MLIP: variants seen among roughly 807,000 people sequenced by gnomAD.
The protein encoded by MLIP is muscular LMNA interacting protein, also known as muscular LMNA-interacting protein.
Under a neutral mutation model 84.8 loss-of-function variants are expected in MLIP, and 79 were observed. The ratio of observed to expected loss-of-function variants is 0.93; its 90% CI spans 0.78 to 1.12. The LOEUF is 1.12. Among genes scored for constraint, MLIP ranks in the 50% most tolerant of loss-of-function variants. The pLI is 0.00. For missense variants in MLIP, 1,257 were observed against 1,160.6 expected, an observed-to-expected ratio of 1.08 and a Z score of -1.21; for synonymous variants, 504 against 463.0, an observed-to-expected ratio of 1.09 and a Z score of -1.14.
At chr6:54,158,772 A>G (rs1028713097) in intron 5 of MLIP, among the ~76,000 whole-genome samples, 11 of 152,104 alleles carry the variant, frequency 7.2e-5, no homozygotes, top group African/African-American at 2.7e-4. Flanking sequence ...CAGAACGTTT[A>G]TCATGGTGCT....
At chr6:54,042,844 A>G (rs1026310828) in intron 1 of MLIP, among the ~76,000 whole-genome samples, 2 of 152,186 alleles carry the variant, frequency 1.3e-5, no homozygotes, top group Non-Finnish European at 2.9e-5. Flanking sequence ...AAATGTAGGA[A>G]TCTATTCATT....
chr6:54,142,033 C>T lies in MLIP; in HGVS notation c.2217+3747C>T, dbSNP rs144742392. Among the ~76,000 whole-genome samples, 335 of 152,326 alleles carry T rather than the reference C, an allele frequency of 2.2e-3. 1 individual carries two copies. The highest frequency in any genetic ancestry group is 7.7e-3 in the African/African-American group (320 of 41,574). ...ATTCCCAAATACATCACACTGAAAACTTAGTGGCAGCAGTCTATCTGTGAC... is the reference window on the plus strand; with the variant it reads ...ATTCCCAAATACATCACACTGAAAATTTAGTGGCAGCAGTCTATCTGTGAC... On this transcript the variant is annotated intron_variant, in intron 4 of 13. Transcript: ENST00000502396.
At chr6:54,059,574 C>T (rs1765848666) in intron 1 of MLIP, among the ~76,000 whole-genome samples, 1 of 152,046 alleles carries the variant, frequency 6.6e-6, no homozygotes, top group South Asian at 2.1e-4. Context: ...ATAATCATCT[C>T]CAGATTTGTC....
chr6:54,187,189 C>T (rs541720994), intron 9 of MLIP, among the ~76,000 whole-genome samples: 4 of 152,258 alleles, frequency 2.6e-5, no homozygotes, highest in East Asian at 1.9e-4. Flanking sequence ...AAAATGGTAA[C>T]TGGTCCAGAA....
intron 4 of MLIP, among the ~76,000 whole-genome samples, chr6:54,139,168 T>A (rs770245283): frequency 6.6e-6 from 1 of 151,960 alleles, no homozygotes; most frequent in Non-Finnish European, 1.5e-5. Flanking sequence ...AGTAAGAGAT[T>A]TTTTTTGTCT....
intron 1 of MLIP, among the ~76,000 whole-genome samples, chr6:54,034,305 G>A (rs1415469255): frequency 2.0e-5 from 3 of 152,060 alleles, no homozygotes; most frequent in Non-Finnish European, 4.4e-5. Context: ...CATCAACAAT[G>A]TCATTAGCAA....
chr6:54,034,139 G>A (rs564952554), intron 1 of MLIP, among the ~76,000 whole-genome samples: 5 of 152,054 alleles, frequency 3.3e-5, no homozygotes, highest in Admixed American at 6.6e-5. Context: ...TTATTGTCTT[G>A]TCTTGATTGC....
chr6:54,159,880 G>A (rs1774431876), intron 5 of MLIP, among the ~76,000 whole-genome samples: 1 of 151,984 alleles, frequency 6.6e-6, no homozygotes, highest in African/African-American at 2.4e-5. Flanking sequence ...GACTGCATAA[G>A]CAAAAAGAAC....
At chr6:54,164,432 G>A (rs1218891734) in intron 8 of MLIP, among the ~76,000 whole-genome samples, 1 of 151,742 alleles carries the variant, frequency 6.6e-6, no homozygotes, top group African/African-American at 2.4e-5. Context: ...TACATTCTTT[G>A]TTGAAGCTAA....
chr6:54,050,165 G>C (rs1765294107), intron 1 of MLIP, among the ~76,000 whole-genome samples: 1 of 151,954 alleles, frequency 6.6e-6, no homozygotes, highest in South Asian at 2.1e-4. Flanking sequence ...TCATGTAAAG[G>C]ATTAAGCCTT....
chr6:54,221,874 A>G, intron 11 of MLIP, among the ~76,000 whole-genome samples: 1 of 152,052 alleles, frequency 6.6e-6, no homozygotes, highest in Non-Finnish European at 1.5e-5. Flanking sequence ...AAAACCTATT[A>G]ATTGCCAAGA....
chr6:54,262,227 C>T (rs1026992653), intron 13 of MLIP, among the ~76,000 whole-genome samples: 6 of 151,936 alleles, frequency 3.9e-5, no homozygotes, highest in East Asian at 3.9e-4. Context: ...CCAGAAGTTC[C>T]CTTCACTAGG....
chr6:54,060,797 A>G (rs990560333), intron 1 of MLIP, among the ~76,000 whole-genome samples: 3 of 152,208 alleles, frequency 2.0e-5, no homozygotes, highest in African/African-American at 7.2e-5. Flanking sequence ...TCATCACAGT[A>G]TGAAGATGGG....
intron 12 of MLIP, among the ~76,000 whole-genome samples, chr6:54,247,795 C>T (rs866174063): frequency 6.6e-6 from 1 of 152,044 alleles, no homozygotes; most frequent in Non-Finnish European, 1.5e-5. Context: ...ACTCTTGGCC[C>T]CCACATCCTT....
At chr6:54,039,839 C>T (rs551416423) in intron 1 of MLIP, among the ~76,000 whole-genome samples, 6 of 151,922 alleles carry the variant, frequency 3.9e-5, no homozygotes, top group East Asian at 3.9e-4. Context: ...TGTTCAGCCA[C>T]GCTAAAATGT....
At chr6:54,076,995 G>A (rs888881580) in intron 1 of MLIP, among the ~76,000 whole-genome samples, 3 of 152,172 alleles carry the variant, frequency 2.0e-5, no homozygotes, top group African/African-American at 7.2e-5. Flanking sequence ...CAAAGGACTA[G>A]GGTGAATGAT....
chr6:54,164,304 C>T (rs1582348927), intron 8 of MLIP, among the ~76,000 whole-genome samples: 2 of 151,968 alleles, frequency 1.3e-5, no homozygotes, highest in South Asian at 2.1e-4. Flanking sequence ...TATTTCATGT[C>T]TCTTACTCTT....
chr6:54,168,972 A>G (rs1252903458), intron 8 of MLIP, among the ~76,000 whole-genome samples: 1 of 151,508 alleles, frequency 6.6e-6, no homozygotes, highest in Non-Finnish European at 1.5e-5. Context: ...AGGTAAAGCC[A>G]GAATAAAGCT....
chr6:54,250,443 A>G (rs12212572), intron 12 of MLIP, among the ~76,000 whole-genome samples: 27,170 of 152,036 alleles, frequency 0.18, 3,344 homozygotes, highest in African/African-American at 0.35. Flanking sequence ...ACAATAGCAA[A>G]GACATGGAAT....
Sources: allele counts gnomAD v4.1 joint callset (sites outside exome capture counted in the v4.1 genomes callset), GRCh38; gene constraint gnomAD v4.1.1; transcripts MANE v1.5; gene names NCBI Gene and HGNC (gene_info 2026-07-23, HGNC 2026-07-21).